GRM5: variants seen among roughly 807,000 people sequenced by gnomAD.
GRM5 encodes glutamate metabotropic receptor 5.
A neutral mutation model predicts 83.1 loss-of-function variants in GRM5; 19 were observed. The ratio of observed to expected loss-of-function variants is 0.23; its 90% CI spans 0.16 to 0.34. The LOEUF (loss-of-function observed/expected upper bound fraction) is 0.34. Ranked by LOEUF, GRM5 falls within the 10% of genes least tolerant of loss-of-function variation. The pLI is 1.00. For missense variants in GRM5, 1,160 were observed against 1,588.3 expected, an observed-to-expected ratio of 0.73 and a Z score of 4.58; for synonymous variants, 675 against 633.6, an observed-to-expected ratio of 1.07 and a Z score of -0.98.
intron 2 of GRM5, among the ~76,000 whole-genome samples, chr11:89,009,893 T>C (rs1940639081): frequency 1.7e-5 from 1 of 59,524 alleles, no homozygotes; most frequent in African/African-American, 7.5e-5. Context: ...AGAGCGAGAC[T>C]CCGTCTCAAA....
chr11:88,680,419 A>AT (rs1353522625), intron 3 of GRM5, among the ~76,000 whole-genome samples: 6 of 152,072 alleles, frequency 3.9e-5, no homozygotes, highest in Non-Finnish European at 7.4e-5. Context: ...TGAACTCATC[A>AT]TTTTTTATGG....
chr11:88,678,782 G>C (rs1940401638), intron 3 of GRM5, among the ~76,000 whole-genome samples: 1 of 152,232 alleles, frequency 6.6e-6, no homozygotes, highest in Non-Finnish European at 1.5e-5. Context: ...TTTAATCTCA[G>C]ATCCAAAGAT....
intron 3 of GRM5, among the ~76,000 whole-genome samples, chr11:88,678,572 C>G (rs1940395279): frequency 6.6e-6 from 1 of 152,040 alleles, no homozygotes; most frequent in Admixed American, 6.6e-5. Context: ...TTTAGCATAT[C>G]CTGTATGCCA....
intron 3 of GRM5, among the ~76,000 whole-genome samples, chr11:88,817,663 A>C (rs1943715905): frequency 6.6e-6 from 1 of 152,128 alleles, no homozygotes; most frequent in Non-Finnish European, 1.5e-5. Flanking sequence ...ATGCTCCTTG[A>C]GGGAAATATA....
chr11:88,860,440 G>C (rs1304643468), intron 2 of GRM5, among the ~76,000 whole-genome samples: 1 of 152,078 alleles, frequency 6.6e-6, no homozygotes, highest in Non-Finnish European at 1.5e-5. Context: ...CGGGTGGATC[G>C]GTGAGTTATT....
chr11:88,776,725 C>T (rs751954464), intron 3 of GRM5, among the ~76,000 whole-genome samples: 5 of 152,008 alleles, frequency 3.3e-5, no homozygotes, highest in South Asian at 2.1e-4. Context: ...TATTAAATTC[C>T]GGGTTGAAAA....
rs547477555 is a variant in GRM5, at chr11:88,901,943, T to C, written c.662-51788A>G. 2.7e-4 allele frequency among the ~76,000 whole-genome samples: 41 copies of C among 152,310 alleles called. 1 individual carries two copies. The highest frequency in any genetic ancestry group is 2.0e-3 in the Admixed American group (31 of 15,292). ...AAGTTCCATAGTTGAGCGAGGTTTTTCCATAACTCTGGAATTATACAAGTA... is the reference window on the plus strand; with the variant it reads ...AAGTTCCATAGTTGAGCGAGGTTTTCCCATAACTCTGGAATTATACAAGTA... On this transcript the variant is annotated intron_variant, in intron 2 of 9. Coordinates refer to ENST00000305447, the MANE Select transcript of GRM5 (RefSeq NM_001143831.3).
intron 4 of GRM5, among the ~76,000 whole-genome samples, chr11:88,616,815 T>C (rs1424082277): frequency 1.3e-5 from 2 of 152,172 alleles, no homozygotes; most frequent in Admixed American, 6.6e-5. Context: ...CATAACTATC[T>C]CTAACCTGGA....
intron 2 of GRM5, among the ~76,000 whole-genome samples, chr11:88,946,464 C>A (rs1938285768): frequency 2.0e-5 from 3 of 152,176 alleles, no homozygotes; most frequent in Non-Finnish European, 4.4e-5. Context: ...TTCACACTAG[C>A]AAAGATATAG....
At chr11:88,594,565 G>C (rs1045173189) in intron 6 of GRM5, among the ~76,000 whole-genome samples, 2 of 152,176 alleles carry the variant, frequency 1.3e-5, no homozygotes, top group Non-Finnish European at 2.9e-5. Flanking sequence ...AGCTGTTGCT[G>C]TATACCATAA....
At chr11:88,600,278 T>C (rs866753276) in intron 5 of GRM5, among the ~76,000 whole-genome samples, 2 of 138,658 alleles carry the variant, frequency 1.4e-5, no homozygotes, top group East Asian at 2.3e-4. Context: ...CTCCTGCTCC[T>C]TCTCCCTCTC....
At chr11:88,557,943 A>C (rs1335450681) in intron 8 of GRM5, among the ~76,000 whole-genome samples, 1 of 151,682 alleles carries the variant, frequency 6.6e-6, no homozygotes, top group Non-Finnish European at 1.5e-5. Context: ...TTCAAATTGG[A>C]CTTAGTTTAT....
chr11:88,618,275 C>T (rs1504093), intron 4 of GRM5, among the ~76,000 whole-genome samples: 122,646 of 152,160 alleles, frequency 0.81, 49,552 homozygotes, highest in South Asian at 0.88. Context: ...ATATTTGAAA[C>T]GTCCAGAATA....
intron 5 of GRM5, among the ~76,000 whole-genome samples, chr11:88,601,669 ATTAG>A (rs1339483763): frequency 7.9e-5 from 12 of 152,258 alleles, no homozygotes; most frequent in African/African-American, 2.4e-4. Context: ...TTTTGCTTTA[ATTAG>A]TTAGTTGTAC....
chr11:89,059,723 T>C (rs1344533770), intron 1 of GRM5, among the ~76,000 whole-genome samples: 3 of 152,180 alleles, frequency 2.0e-5, no homozygotes, highest in Non-Finnish European at 4.4e-5. Context: ...GTAGGATTGA[T>C]AGTTTGCACT....
intron 9 of GRM5, among the ~76,000 whole-genome samples, chr11:88,521,785 A>G (rs1458740533): frequency 2.0e-5 from 3 of 152,200 alleles, no homozygotes; most frequent in Non-Finnish European, 4.4e-5. Flanking sequence ...CTATGGGGAC[A>G]TGTTATATTC....
chr11:88,998,589 G>A (rs1278942641), intron 2 of GRM5, among the ~76,000 whole-genome samples: 1 of 152,064 alleles, frequency 6.6e-6, no homozygotes, highest in Non-Finnish European at 1.5e-5. Context: ...AGTGCAACAG[G>A]CAATATAAGT....
chr11:88,845,906 T>G (rs1390813252), intron 3 of GRM5, among the ~76,000 whole-genome samples: 1 of 152,204 alleles, frequency 6.6e-6, no homozygotes, highest in Non-Finnish European at 1.5e-5. Flanking sequence ...AGATAAAGAA[T>G]AATATCTACC....
At chr11:89,026,949 G>A (rs553118856) in intron 2 of GRM5, among the ~76,000 whole-genome samples, 9 of 152,252 alleles carry the variant, frequency 5.9e-5, no homozygotes, top group African/African-American at 2.2e-4. Context: ...TCAAATGATT[G>A]CACATGGGAC....
Sources: allele counts gnomAD v4.1 joint callset (sites outside exome capture counted in the v4.1 genomes callset), GRCh38; gene constraint gnomAD v4.1.1; transcripts MANE v1.5; gene names NCBI Gene and HGNC (gene_info 2026-07-23, HGNC 2026-07-21).